ASIC2: variants seen among roughly 807,000 people sequenced by gnomAD.
ASIC2 encodes the protein acid-sensing ion channel 2.
A neutral mutation model predicts 57.3 loss-of-function variants in ASIC2; 25 were observed. The observed-to-expected ratio is 0.44, with a 90% CI of 0.32 to 0.61. ASIC2 has a LOEUF of 0.61. Among genes scored for constraint, ASIC2 ranks in the 20% least tolerant of loss-of-function variants. The pLI is 0.06. For missense variants in ASIC2, 641 were observed against 738.1 expected, an observed-to-expected ratio of 0.87 and a Z score of 1.52; for synonymous variants, 319 against 307.5, an observed-to-expected ratio of 1.04 and a Z score of -0.39.
At chr17:33,023,835 CT>C in intron 6 of ASIC2, 25 bp downstream of exon 6, 2 of 1,613,196 alleles carry the variant, frequency 1.2e-6, no homozygotes, top group Non-Finnish European at 1.7e-6. Flanking sequence ...CCCCTTCCCC[CT>C]GCCTACCATG....
chr17:33,164,578 A>G (rs755050880), intron 1 of ASIC2, among the ~76,000 whole-genome samples: 41 of 59,248 alleles, frequency 6.9e-4, no homozygotes, highest in African/African-American at 1.6e-3. Flanking sequence ...ACATGCACGC[A>G]CACACACACA....
At chr17:33,971,616 G>A (rs1905231496) in intron 1 of ASIC2, among the ~76,000 whole-genome samples, 1 of 152,064 alleles carries the variant, frequency 6.6e-6, no homozygotes, top group Admixed American at 6.6e-5. Flanking sequence ...ATTGTGTCAG[G>A]ACATGCCCAT....
At chr17:34,086,945 G>C (rs944188836) in intron 1 of ASIC2, among the ~76,000 whole-genome samples, 3 of 152,118 alleles carry the variant, frequency 2.0e-5, no homozygotes, top group African/African-American at 7.2e-5. Context: ...CTGCATGGGA[G>C]ATGGGTTTCC....
At chr17:33,229,007 A>C (rs1454746557) in intron 1 of ASIC2, among the ~76,000 whole-genome samples, 6 of 152,232 alleles carry the variant, frequency 3.9e-5, no homozygotes, top group Non-Finnish European at 8.8e-5. Flanking sequence ...CAAGTTAGGC[A>C]GAGACTGAGA....
intron 1 of ASIC2, among the ~76,000 whole-genome samples, chr17:33,951,725 G>T (rs1007960268): frequency 1.3e-5 from 2 of 151,492 alleles, no homozygotes; most frequent in Non-Finnish European, 1.5e-5. Flanking sequence ...TGGGACTACA[G>T]GCGTGTGCCA....
intron 1 of ASIC2, among the ~76,000 whole-genome samples, chr17:34,078,512 A>G (rs1452861183): frequency 6.6e-6 from 1 of 152,120 alleles, no homozygotes; most frequent in Non-Finnish European, 1.5e-5. Context: ...CTAGGAGCTC[A>G]TTCTGGCTGG....
chr17:34,100,954 C>T (rs1910842823), intron 1 of ASIC2, among the ~76,000 whole-genome samples: 1 of 152,178 alleles, frequency 6.6e-6, no homozygotes, highest in Admixed American at 6.5e-5. Flanking sequence ...AATAATTTAA[C>T]TTCTTTGTCC....
chr17:33,693,884 A>C (rs560046817), intron 1 of ASIC2, among the ~76,000 whole-genome samples: 1 of 152,342 alleles, frequency 6.6e-6, no homozygotes, highest in South Asian at 2.1e-4. Flanking sequence ...AATAGATGTC[A>C]GATCATTTGG....
At chr17:33,667,067 TAGTC>T (rs1366223937) in intron 1 of ASIC2, among the ~76,000 whole-genome samples, 1 of 152,300 alleles carries the variant, frequency 6.6e-6, no homozygotes, top group South Asian at 2.1e-4. Context: ...CTATGGGACT[TAGTC>T]AGAAAGCAAA....
intron 7 of ASIC2, among the ~76,000 whole-genome samples, chr17:33,020,840 T>C (rs1244946689): frequency 2.0e-5 from 3 of 152,078 alleles, no homozygotes; most frequent in Admixed American, 6.5e-5. Flanking sequence ...CCTCCTTCTC[T>C]CCTTCTGATA....
chr17:33,148,619 A>G (rs1295608105), intron 1 of ASIC2, among the ~76,000 whole-genome samples: 1 of 152,252 alleles, frequency 6.6e-6, no homozygotes, highest in Non-Finnish European at 1.5e-5. Context: ...GTAAAATGGA[A>G]AGAATGATAA....
intron 1 of ASIC2, among the ~76,000 whole-genome samples, chr17:33,922,822 A>G (rs917906862): frequency 6.6e-6 from 1 of 152,184 alleles, no homozygotes; most frequent in African/African-American, 2.4e-5. Context: ...ATATGCCACC[A>G]TCTCACGAAT....
chr17:33,540,365 T>C (rs1915368804), intron 1 of ASIC2, among the ~76,000 whole-genome samples: 1 of 152,150 alleles, frequency 6.6e-6, no homozygotes, highest in Non-Finnish European at 1.5e-5. Flanking sequence ...CCAAATAAGC[T>C]CACACTCAGC....
intron 1 of ASIC2, among the ~76,000 whole-genome samples, chr17:33,453,071 G>A (rs1912320033): frequency 6.6e-6 from 1 of 152,134 alleles, no homozygotes; most frequent in African/African-American, 2.4e-5. Context: ...GCTAACTTAT[G>A]CCTATGAGTT....
chr17:34,030,859 C>A (rs1409443876), intron 1 of ASIC2, among the ~76,000 whole-genome samples: 1 of 152,232 alleles, frequency 6.6e-6, no homozygotes, highest in Admixed American at 6.5e-5. Context: ...AACAAAGAGG[C>A]CAGGAAGCTC....
chr17:33,740,203 A>T (rs1035639045), intron 1 of ASIC2, among the ~76,000 whole-genome samples: 2 of 152,238 alleles, frequency 1.3e-5, no homozygotes, highest in African/African-American at 4.8e-5. Flanking sequence ...ACTGCCACTC[A>T]AGGGCCCAAA....
chr17:34,028,106 C>G (rs1907447006), intron 1 of ASIC2, among the ~76,000 whole-genome samples: 1 of 152,216 alleles, frequency 6.6e-6, no homozygotes, highest in East Asian at 1.9e-4. Flanking sequence ...GTAATCAATA[C>G]CAAATTTGGT....
intron 1 of ASIC2, among the ~76,000 whole-genome samples, chr17:33,614,498 G>A (rs553564507): frequency 6.6e-6 from 1 of 152,196 alleles, no homozygotes; most frequent in Non-Finnish European, 1.5e-5. Context: ...TACAGGTCAA[G>A]AAAATGCTTG....
intron 1 of ASIC2, among the ~76,000 whole-genome samples, chr17:33,933,704 A>G (rs1466653644): frequency 6.6e-6 from 1 of 152,246 alleles, no homozygotes; most frequent in Non-Finnish European, 1.5e-5. Flanking sequence ...TGCTCTGGAC[A>G]TTTCCTGTGG....
Sources: gnomAD v4.1 joint callset for allele counts (sites outside exome capture counted in the v4.1 genomes callset) on GRCh38, gnomAD v4.1.1 for gene constraint, MANE v1.5 for transcripts, NCBI Gene and HGNC (gene_info 2026-07-23, HGNC 2026-07-21) for gene names.